ARID2: variants seen among roughly 807,000 people sequenced by gnomAD.
ARID2 encodes AT-rich interaction domain 2, also known as AT-rich interactive domain-containing protein 2.
A neutral mutation model predicts 184.6 loss-of-function variants in ARID2; 32 were observed. That is an observed-to-expected ratio of 0.17 (90% CI 0.13 to 0.23). The LOEUF is 0.23. Among genes scored for constraint, ARID2 ranks in the 10% least tolerant of loss-of-function variants. The probability of loss-of-function intolerance (pLI) is 1.00; values close to 1 mark genes in which losing one functional copy is unlikely to be tolerated. For synonymous variants in ARID2, 836 were observed against 772.6 expected (o/e 1.08, Z -1.36); for missense variants, 1,696 against 2,197.6 (o/e 0.77, Z 4.56).
At chr12:45,731,192 G>A (rs189047856) in intron 2 of ARID2, 25 bp from the exon 3 acceptor site, 2 of 1,527,246 alleles carry the variant, frequency 1.3e-6, no homozygotes, top group Non-Finnish European at 1.8e-6. Context: ...TTCACGTTCA[G>A]ACAACTGTGC....
chr12:45,796,736 C>T (rs1942399006), intron 3 of ARID2, among the ~76,000 whole-genome samples: 1 of 152,142 alleles, frequency 6.6e-6, no homozygotes, highest in Admixed American at 6.6e-5. Flanking sequence ...TGGTCTCGAA[C>T]TCCTAACCTT....
chr12:45,886,832 A>C lies in ARID2; in HGVS notation c.4923-4948A>C, dbSNP rs141910549. Among the ~76,000 whole-genome samples, 1,334 of 152,348 alleles carry C rather than the reference A, an allele frequency of 8.8e-3. 17 individuals carry two copies. The highest frequency in any genetic ancestry group is 0.031 in the African/African-American group (1,270 of 41,574). On this transcript the variant is annotated intron_variant, in intron 16 of 20. Coordinates refer to ENST00000334344, the MANE Select transcript of ARID2 (RefSeq NM_152641.4). Reference sequence around the variant, plus strand: ...GGCTGGAACAGCTGGGATGCAGGGCATCAAGTCCCTAGGCTGCAGGCAGCA... The same window carrying C: ...GGCTGGAACAGCTGGGATGCAGGGCCTCAAGTCCCTAGGCTGCAGGCAGCA...
intron 11 of ARID2, among the ~76,000 whole-genome samples, chr12:45,844,891 C>A (rs571456650): frequency 6.6e-6 from 1 of 152,056 alleles, no homozygotes; most frequent in African/African-American, 2.4e-5. Flanking sequence ...AGAATTAAGT[C>A]ATTTGATTCC....
chr12:45,904,560 A>G (rs147821257), intron 20 of ARID2, among the ~76,000 whole-genome samples: 1,551 of 152,050 alleles, frequency 0.01, 31 homozygotes, highest in African/African-American at 0.036. Flanking sequence ...GCGTGGTGGC[A>G]CACGCCTGTT....
intron 16 of ARID2, among the ~76,000 whole-genome samples, chr12:45,890,236 A>T (rs1271079258): frequency 6.6e-6 from 1 of 152,240 alleles, no homozygotes; most frequent in Admixed American, 6.5e-5. Context: ...ATATTTAGTA[A>T]TTAAAATTGA....
rs1434493050 is a variant in ARID2 at position 45,906,954 on chromosome 12, A to T, written c.*1876A>T. On this transcript the variant is annotated 3_prime_UTR_variant, in exon 21 of 21. Coordinates refer to ENST00000334344, the MANE Select transcript of ARID2 (RefSeq NM_152641.4). ...CAGATTCTTAGAGTGAAAAAGCCTC[A>T]GTTTCCATATTAAAAATGTTTTAAA... The T allele has an allele frequency of 4.3e-6, 1 of 231,910 alleles. No individual in the cohort carries two copies. Among genetic ancestry groups the T allele is most frequent in the African/African-American group, 2.2e-5 (1 of 45,272 alleles). 14.4% of individuals were successfully genotyped at this position (231,910 alleles called of 1,614,324 possible). A position where few individuals can be genotyped will look rare whatever the true frequency, so the allele number is the denominator to read the frequency against.
intron 3 of ARID2, among the ~76,000 whole-genome samples, chr12:45,782,456 A>ACC (rs1256735237): frequency 6.6e-6 from 1 of 151,958 alleles, no homozygotes; most frequent in Non-Finnish European, 1.5e-5. Flanking sequence ...ACATGGTGAA[A>ACC]ACCCGTCTCT....
At chr12:45,871,411 A>G (rs958162497) in intron 16 of ARID2, among the ~76,000 whole-genome samples, 1 of 152,202 alleles carries the variant, frequency 6.6e-6, no homozygotes, top group Non-Finnish European at 1.5e-5. Context: ...GTGATGGATT[A>G]CTTCAATTTT....
At chr12:45,745,054 T>C (rs1941330172) in intron 3 of ARID2, among the ~76,000 whole-genome samples, 1 of 152,230 alleles carries the variant, frequency 6.6e-6, no homozygotes, top group Non-Finnish European at 1.5e-5. Flanking sequence ...GGTGATTTAT[T>C]GATCAGTTCT....
intron 3 of ARID2, among the ~76,000 whole-genome samples, chr12:45,741,179 T>C (rs568451160): frequency 1.3e-5 from 2 of 152,158 alleles, no homozygotes; most frequent in African/African-American, 4.8e-5. Context: ...TTTCTAACTC[T>C]TATCATTTCT....
At chr12:45,856,391 G>A (rs1943651660) in intron 15 of ARID2, among the ~76,000 whole-genome samples, 1 of 152,118 alleles carries the variant, frequency 6.6e-6, no homozygotes, top group African/African-American at 2.4e-5. Flanking sequence ...ACTCTTTAAA[G>A]TTGCATGTTA....
At chr12:45,783,702 G>A (rs1385892938) in intron 3 of ARID2, among the ~76,000 whole-genome samples, 2 of 152,200 alleles carry the variant, frequency 1.3e-5, no homozygotes, top group Non-Finnish European at 1.5e-5. Flanking sequence ...GAGGTGGAGC[G>A]CAGTTTCGCT....
At chr12:45,801,108 C>G (rs758745397) in intron 3 of ARID2, among the ~76,000 whole-genome samples, 1 of 152,022 alleles carries the variant, frequency 6.6e-6, no homozygotes, top group African/African-American at 2.4e-5. Context: ...GTCAGGAGAT[C>G]GAGACCATCC....
rs377024902 is a variant in ARID2, at chr12:45,799,554, A to G, written c.285-11864A>G. ...TAAATCTGTTATATCTTTACAAAGTAGAAATAATGCAACTATAAAGGAAGA... is the reference window on the plus strand; with the variant it reads ...TAAATCTGTTATATCTTTACAAAGTGGAAATAATGCAACTATAAAGGAAGA... On this transcript the variant is annotated intron_variant, in intron 3 of 20. Transcript: ENST00000334344. Among the ~76,000 whole-genome samples, 62 of 152,326 alleles carry G rather than the reference A, an allele frequency of 4.1e-4. 1 individual carries two copies. Among genetic ancestry groups the G allele is most frequent in the African/African-American group, 1.3e-3 (53 of 41,570 alleles).
At chr12:45,893,777 A>C in intron 20 of ARID2, 56 bp downstream of exon 20, 1 of 1,330,750 alleles carries the variant, frequency 7.5e-7, no homozygotes, top group Non-Finnish European at 1.0e-6. Flanking sequence ...ATTTTTACAT[A>C]TAAGTTAATA....
At chr12:45,859,391 T>C (rs1046159486) in intron 15 of ARID2, among the ~76,000 whole-genome samples, 3 of 152,214 alleles carry the variant, frequency 2.0e-5, no homozygotes, top group Admixed American at 6.5e-5. Context: ...GTACACCGTA[T>C]GGCATTCACA....
intron 20 of ARID2, among the ~76,000 whole-genome samples, chr12:45,899,401 A>G (rs190027858): frequency 2.4e-3 from 353 of 149,786 alleles, no homozygotes; most frequent in African/African-American, 7.2e-3. Context: ...TCAGGAGATC[A>G]AGACCATCCT....
chr12:45,889,543 C>A (rs1208363150), intron 16 of ARID2, among the ~76,000 whole-genome samples: 1 of 152,234 alleles, frequency 6.6e-6, no homozygotes, highest in African/African-American at 2.4e-5. Flanking sequence ...CTTCTCCCAA[C>A]CCATCCAATA....
chr12:45,811,878 A>G (rs1033467660), intron 4 of ARID2, among the ~76,000 whole-genome samples: 3 of 152,226 alleles, frequency 2.0e-5, no homozygotes, highest in Non-Finnish European at 4.4e-5. Context: ...CAGGAGACCA[A>G]GAATTTTCTT....
Sources: gnomAD v4.1 joint callset for allele counts (sites outside exome capture counted in the v4.1 genomes callset) on GRCh38, gnomAD v4.1.1 for gene constraint, MANE v1.5 for transcripts, NCBI Gene and HGNC (gene_info 2026-07-23, HGNC 2026-07-21) for gene names.